RBMS3: variants seen among roughly 807,000 people sequenced by gnomAD.
The protein encoded by RBMS3 is RNA binding motif single stranded interacting protein 3, also known as RNA-binding motif, single-stranded-interacting protein 3.
RBMS3 carries 27 observed loss-of-function variants against 66.8 expected under a neutral mutation model. That is an observed-to-expected ratio of 0.40 (90% CI 0.30 to 0.56). RBMS3 has a LOEUF of 0.56. Ranked by LOEUF, RBMS3 falls within the 20% of genes least tolerant of loss-of-function variation. The pLI, the probability that RBMS3 is intolerant of heterozygous loss-of-function variation, is 0.40. For synonymous variants in RBMS3, 188 were observed against 183.0 expected, an observed-to-expected ratio of 1.03 and a Z score of -0.22; for missense variants, 513 against 549.5, an observed-to-expected ratio of 0.93 and a Z score of 0.66.
chr3:29,733,507 T>A (rs900246949), intron 4 of RBMS3, among the ~76,000 whole-genome samples: 2 of 152,124 alleles, frequency 1.3e-5, no homozygotes, highest in Admixed American at 1.3e-4. Context: ...TTCCCTTTTT[T>A]CAACGTCCTC....
chr3:29,917,382 T>C (rs1032696065), intron 10 of RBMS3, among the ~76,000 whole-genome samples: 10 of 152,068 alleles, frequency 6.6e-5, no homozygotes, highest in African/African-American at 2.2e-4. Context: ...TTTCTCTCTT[T>C]TGCTTTTTCA....
chr3:29,611,965 G>A (rs759094005), intron 4 of RBMS3, among the ~76,000 whole-genome samples: 21 of 151,822 alleles, frequency 1.4e-4, no homozygotes, highest in Non-Finnish European at 2.4e-4. Context: ...TGAATGCAAG[G>A]CCTACAGTCT....
intron 14 of RBMS3, among the ~76,000 whole-genome samples, chr3:29,999,478 G>T (rs567327160): frequency 5.3e-5 from 8 of 152,276 alleles, no homozygotes; most frequent in South Asian, 2.1e-4. Flanking sequence ...GTTTATAGCG[G>T]CACTATTCAC....
intron 1 of RBMS3, among the ~76,000 whole-genome samples, chr3:29,314,542 G>T (rs559593087): frequency 6.6e-6 from 1 of 151,742 alleles, no homozygotes; most frequent in African/African-American, 2.4e-5. Flanking sequence ...GAGGGATAAA[G>T]CTGTTGCTTA....
intron 6 of RBMS3, among the ~76,000 whole-genome samples, chr3:29,817,788 A>G (rs1251510309): frequency 6.6e-6 from 1 of 151,994 alleles, no homozygotes; most frequent in Non-Finnish European, 1.5e-5. Context: ...ATTTGAAATA[A>G]TTTTTGAAAA....
chr3:29,633,378 G>A (rs2049354143), intron 4 of RBMS3, among the ~76,000 whole-genome samples: 1 of 151,784 alleles, frequency 6.6e-6, no homozygotes, highest in Non-Finnish European at 1.5e-5. Context: ...TGCAGAAAGA[G>A]CACCATGAGA....
chr3:29,780,692 C>G (rs1233274671), intron 6 of RBMS3, among the ~76,000 whole-genome samples: 1 of 152,108 alleles, frequency 6.6e-6, no homozygotes, highest in South Asian at 2.1e-4. Flanking sequence ...TTTGATATCA[C>G]CTTTTCCTAT....
rs566493910 is a variant in RBMS3 at position 29,923,842 on chromosome 3, A to G, written c.940-12244A>G. On this transcript the variant is annotated intron_variant, in intron 10 of 14. Transcript: ENST00000383767. Reference sequence around the variant, plus strand: ...GATAAATATTTCAAATGTGAATACCAATTAGTAGACATAAAGTCCTATTTG... The same window carrying G: ...GATAAATATTTCAAATGTGAATACCGATTAGTAGACATAAAGTCCTATTTG... Among the ~76,000 whole-genome samples, 8 of 152,318 alleles carry G rather than the reference A, an allele frequency of 5.3e-5. No homozygotes were observed. The East Asian group carries it at 1.5e-3, about 29-fold the overall frequency.
intron 9 of RBMS3, among the ~76,000 whole-genome samples, chr3:29,899,265 A>G (rs2060197411): frequency 6.6e-6 from 1 of 151,718 alleles, no homozygotes; most frequent in Non-Finnish European, 1.5e-5. Flanking sequence ...TACCACTTGG[A>G]CATATTTCTA....
At chr3:29,399,645 A>C (rs2039716703) in intron 1 of RBMS3, among the ~76,000 whole-genome samples, 1 of 152,154 alleles carries the variant, frequency 6.6e-6, no homozygotes, top group South Asian at 2.1e-4. Context: ...GGCTTCAGTA[A>C]AGCCAAAGGG....
chr3:29,629,833 G>C (rs745881864), intron 4 of RBMS3, among the ~76,000 whole-genome samples: 1 of 151,992 alleles, frequency 6.6e-6, no homozygotes, highest in Non-Finnish European at 1.5e-5. Context: ...ATCTATTCTA[G>C]ACTAACGTGA....
chr3:29,441,384 C>T (rs1189791371), intron 2 of RBMS3, among the ~76,000 whole-genome samples: 1 of 152,130 alleles, frequency 6.6e-6, no homozygotes, highest in Admixed American at 6.5e-5. Context: ...TATATATTTA[C>T]ATTAACACAG....
intron 6 of RBMS3, among the ~76,000 whole-genome samples, chr3:29,813,462 G>A (rs1047091100): frequency 1.3e-5 from 2 of 152,064 alleles, no homozygotes; most frequent in Non-Finnish European, 2.9e-5. Flanking sequence ...TGGCGATGCG[G>A]GCTCTTTTTT....
rs1252149361 is a variant in RBMS3, at chr3:29,486,185, A to G, written c.249-2256A>G. Among the ~76,000 whole-genome samples the G allele has an allele frequency of 2.0e-5, 3 of 152,192 alleles. No individual in the cohort carries two copies. In the East Asian group the frequency reaches 5.8e-4, roughly 29 times the overall value. On this transcript the variant is annotated intron_variant, in intron 2 of 14. Coordinates refer to ENST00000383767, the MANE Select transcript of RBMS3 (RefSeq NM_001003793.3). ...GTTGACTTTGCAGATCACAGAGAATACAGAGCCAGTCATGCAGAAAGTACC... is the reference window on the plus strand; with the variant it reads ...GTTGACTTTGCAGATCACAGAGAATGCAGAGCCAGTCATGCAGAAAGTACC...
chr3:29,873,052 G>T (rs2059529968), intron 7 of RBMS3, among the ~76,000 whole-genome samples: 1 of 152,076 alleles, frequency 6.6e-6, no homozygotes, highest in Admixed American at 6.5e-5. Context: ...TGTTCTTTCT[G>T]CTTAGGATTG....
chr3:29,791,495 T>G (rs1326732425), intron 6 of RBMS3, among the ~76,000 whole-genome samples: 1 of 124,532 alleles, frequency 8.0e-6, no homozygotes, highest in Non-Finnish European at 1.7e-5. Context: ...CTTCTCAATG[T>G]TTTTTTCGTC....
intron 4 of RBMS3, among the ~76,000 whole-genome samples, chr3:29,623,045 A>G (rs981403424): frequency 6.6e-6 from 1 of 150,492 alleles, no homozygotes; most frequent in Non-Finnish European, 1.5e-5. Context: ...TGAACTGGCA[A>G]GCTTGCAGTG....
intron 3 of RBMS3, among the ~76,000 whole-genome samples, chr3:29,493,323 G>C (rs1447547623): frequency 1.3e-5 from 2 of 152,184 alleles, no homozygotes; most frequent in Non-Finnish European, 2.9e-5. Context: ...GGTAGATCCA[G>C]GCTGCCTGGG....
At chr3:29,950,972 C>T (rs774829599) in intron 12 of RBMS3, among the ~76,000 whole-genome samples, 1 of 151,766 alleles carries the variant, frequency 6.6e-6, no homozygotes, top group Admixed American at 6.6e-5. Context: ...TTTCCCTTAG[C>T]CTTGGTTATC....
Sources: allele counts gnomAD v4.1 joint callset (sites outside exome capture counted in the v4.1 genomes callset), GRCh38; gene constraint gnomAD v4.1.1; transcripts MANE v1.5; gene names NCBI Gene and HGNC (gene_info 2026-07-23, HGNC 2026-07-21).